FAAH2: variants seen among roughly 807,000 people sequenced by gnomAD.
The protein encoded by FAAH2 is fatty-acid amide hydrolase 2.
FAAH2 carries 60 observed loss-of-function variants against 36.9 expected under a neutral mutation model. The ratio of observed to expected loss-of-function variants is 1.63; its 90% CI spans 1.32 to 2.02. The LOEUF (loss-of-function observed/expected upper bound fraction) is 2.02, where lower values mean the gene tolerates loss of function less well. Among genes scored for constraint, FAAH2 ranks in the 30% most tolerant of loss-of-function variants. The probability of loss-of-function intolerance (pLI) is 0.00; values close to 1 mark genes in which losing one functional copy is unlikely to be tolerated. For synonymous variants in FAAH2, 214 were observed against 143.8 expected, an observed-to-expected ratio of 1.49 and a Z score of -3.49; for missense variants, 689 against 397.5, an observed-to-expected ratio of 1.73 and a Z score of -6.23.
At chrX:57,200,361 C>G in the FAAH2 span, among the ~76,000 whole-genome samples, 1 of 101,850 alleles carries the variant, frequency 9.8e-6, no homozygotes, top group Non-Finnish European at 2.0e-5. Flanking sequence ...GACTCTGCAT[C>G]TTAACTTCAT....
chrX:57,351,136 A>C (rs1176220471), intron 5 of FAAH2, among the ~76,000 whole-genome samples: 1 of 111,720 alleles, frequency 9.0e-6, no homozygotes, highest in Non-Finnish European at 1.9e-5. Context: ...AATTATATCA[A>C]GTATCTTTTC....
chrX:57,209,141 C>A, the FAAH2 span, among the ~76,000 whole-genome samples: 6 of 111,766 alleles, frequency 5.4e-5, no homozygotes, highest in African/African-American at 2.0e-4. Context: ...GAATTGGGGT[C>A]TCCAAGTGCC....
At chrX:57,282,710 G>A (rs1392377385), upstream of FAAH2, among the ~76,000 whole-genome samples, 1 of 111,996 alleles carries the variant, frequency 8.9e-6, no homozygotes, top group Admixed American at 9.5e-5. Context: ...GTTGAAATTT[G>A]GTTGTAATCC....
At chrX:57,215,789 G>C in the FAAH2 span, among the ~76,000 whole-genome samples, 3 of 108,196 alleles carry the variant, frequency 2.8e-5, no homozygotes, top group Admixed American at 3.0e-4. Context: ...CACAGAGAGG[G>C]GCACAACACA....
At chrX:57,482,827 A>T (rs754874635) in intron 10 of FAAH2, among the ~76,000 whole-genome samples, 1 of 105,625 alleles carries the variant, frequency 9.5e-6, no homozygotes, top group African/African-American at 3.4e-5. Context: ...TAAAGGAGTT[A>T]AAATAGCCCC....
chrX:57,287,587 T>C (rs1372349929), intron 1 of FAAH2, among the ~76,000 whole-genome samples: 2 of 112,193 alleles, frequency 1.8e-5, no homozygotes, highest in Non-Finnish European at 3.8e-5. Context: ...AATATTCATA[T>C]TTTATGCATA....
the FAAH2 span, among the ~76,000 whole-genome samples, chrX:57,183,003 C>G: frequency 1.8e-5 from 2 of 110,433 alleles, no homozygotes; most frequent in African/African-American, 6.6e-5. Flanking sequence ...AGGACACACA[C>G]ACACACACAA....
chrX:57,349,224 T>A (rs1242886590), intron 5 of FAAH2, among the ~76,000 whole-genome samples: 1 of 82,744 alleles, frequency 1.2e-5, no homozygotes, highest in Non-Finnish European at 2.4e-5. Context: ...TATATATGTG[T>A]ATGTATGTAT....
chrX:57,403,389 G>A (rs2055487140), intron 7 of FAAH2, among the ~76,000 whole-genome samples: 1 of 112,659 alleles, frequency 8.9e-6, no homozygotes, highest in Non-Finnish European at 1.9e-5. Flanking sequence ...TGACCACAAA[G>A]AAAGGGGTCT....
intron 10 of FAAH2, among the ~76,000 whole-genome samples, chrX:57,472,671 A>AT (rs1176652631): frequency 1.8e-5 from 2 of 110,221 alleles, no homozygotes; most frequent in African/African-American, 3.3e-5. Context: ...TTGTTGGAAG[A>AT]TTTGTATTAC....
the FAAH2 span, among the ~76,000 whole-genome samples, chrX:57,223,303 T>A: frequency 9.0e-6 from 1 of 111,494 alleles, no homozygotes; most frequent in African/African-American, 3.3e-5. Flanking sequence ...CCAGTTTCTG[T>A]CCCTGTCCTT....
chrX:57,352,035 T>C lies in FAAH2; in HGVS notation c.742+10645T>C, dbSNP rs867123928. On this transcript the variant is annotated intron_variant, in intron 5 of 10. Transcript: ENST00000374900. ...ATGTGTGTGTGTATATATATATATA[T>C]ACATATATATATGTGTATATATATA... Among the ~76,000 whole-genome samples the C allele has an allele frequency of 2.6e-3, 41 of 15,880 alleles. 7 individuals carry two copies. Among genetic ancestry groups the C allele is most frequent in the African/African-American group, 4.6e-3 (39 of 8,392 alleles). The allele number at this position is 15,880 out of a possible 115,157, so 13.8% of individuals were successfully genotyped here.
chrX:57,293,438 T>C (rs1199543808), intron 2 of FAAH2, among the ~76,000 whole-genome samples: 1 of 112,025 alleles, frequency 8.9e-6, no homozygotes, highest in Non-Finnish European at 1.9e-5. Flanking sequence ...TTATACATGT[T>C]TTCTCATTTG....
intron 2 of FAAH2, among the ~76,000 whole-genome samples, chrX:57,293,061 A>G (rs1364502902): frequency 1.8e-5 from 2 of 111,259 alleles, no homozygotes; most frequent in African/African-American, 6.5e-5. Context: ...TAGAGGGCCA[A>G]AAACTTGGAT....
the FAAH2 span, among the ~76,000 whole-genome samples, chrX:57,219,775 C>CAAA: frequency 1.1e-5 from 1 of 90,326 alleles, no homozygotes; most frequent in Non-Finnish European, 2.2e-5. Context: ...TCCTCTGTTC[C>CAAA]AAAAAAAAAA....
the FAAH2 span, among the ~76,000 whole-genome samples, chrX:57,265,271 A>C: frequency 9.0e-6 from 1 of 111,546 alleles, no homozygotes; most frequent in Non-Finnish European, 1.9e-5. Flanking sequence ...CTGCAACCCC[A>C]GGTGGTTAGA....
the FAAH2 span, among the ~76,000 whole-genome samples, chrX:57,273,540 A>G: frequency 8.9e-6 from 1 of 112,032 alleles, no homozygotes; most frequent in African/African-American, 3.2e-5. Context: ...ATGTACAAGA[A>G]TGGAAATCAT....
intron 3 of FAAH2, among the ~76,000 whole-genome samples, chrX:57,323,093 T>C (rs2053083414): frequency 9.0e-6 from 1 of 111,314 alleles, no homozygotes; most frequent in African/African-American, 3.3e-5. Context: ...GTTTGGTTTT[T>C]TGTCTTTGCA....
At chrX:57,282,898 C>T (rs1184507345), upstream of FAAH2, among the ~76,000 whole-genome samples, 3 of 112,374 alleles carry the variant, frequency 2.7e-5, no homozygotes, top group Non-Finnish European at 5.6e-5. Context: ...CTGTACAGCA[C>T]AACCTTGTGG....
Sources: allele counts gnomAD v4.1 joint callset (sites outside exome capture counted in the v4.1 genomes callset), GRCh38; gene constraint gnomAD v4.1.1; transcripts MANE v1.5; gene names NCBI Gene and HGNC (gene_info 2026-07-23, HGNC 2026-07-21).